The following KCND3 variants were observed in gnomAD, a reference collection of about 807,000 sequenced individuals.
KCND3 encodes potassium voltage-gated channel subfamily D member 3, also known as A-type voltage-gated potassium channel KCND3.
Under a neutral mutation model 51.1 loss-of-function variants are expected in KCND3, and 9 were observed. The observed-to-expected ratio is 0.18, with a 90% CI of 0.11 to 0.31. The LOEUF (loss-of-function observed/expected upper bound fraction) is 0.31, where lower values mean the gene tolerates loss of function less well. KCND3 is among the 10% of genes least tolerant of loss of function. The pLI, the probability that KCND3 is intolerant of heterozygous loss-of-function variation, is 1.00. For synonymous variants in KCND3, 349 were observed against 368.0 expected, an observed-to-expected ratio of 0.95 and a Z score of 0.59; for missense variants, 526 against 903.8, an observed-to-expected ratio of 0.58 and a Z score of 5.36.
At chr1:111,818,046 ACACAC>A (rs1666178655) in intron 2 of KCND3, among the ~76,000 whole-genome samples, 2 of 108,822 alleles carry the variant, frequency 1.8e-5, no homozygotes, top group African/African-American at 8.1e-5. Flanking sequence ...GCGTGCACAC[ACACAC>A]ACACACACAC....
chr1:111,864,382 A>T (rs1668463522), intron 2 of KCND3, among the ~76,000 whole-genome samples: 1 of 152,210 alleles, frequency 6.6e-6, no homozygotes, highest in African/African-American at 2.4e-5. Flanking sequence ...ATTTCCCTTC[A>T]GTAAGAACTT....
intron 2 of KCND3, among the ~76,000 whole-genome samples, chr1:111,868,127 A>G (rs1462253428): frequency 1.3e-5 from 2 of 152,240 alleles, no homozygotes; most frequent in Non-Finnish European, 2.9e-5. Flanking sequence ...GTGGTCAACC[A>G]TGGTCTGAAA....
chr1:111,953,258 A>C (rs1673147120), intron 2 of KCND3, among the ~76,000 whole-genome samples: 1 of 152,168 alleles, frequency 6.6e-6, no homozygotes, highest in Non-Finnish European at 1.5e-5. Context: ...GGAGAGAAAA[A>C]TAAAAAGCTT....
intron 2 of KCND3, among the ~76,000 whole-genome samples, chr1:111,976,756 A>G (rs1016467385): frequency 1.3e-5 from 2 of 152,232 alleles, no homozygotes; most frequent in African/African-American, 4.8e-5. Context: ...AGCCAGACAC[A>G]GAAGCAGAGT....
In KCND3 at chr1:111,780,068, AG is replaced by A; in HGVS notation, c.1461+156del. On this transcript the variant is annotated intron_variant, in intron 5 of 7. Transcript: ENST00000302127. This position sits in a 1 kb window ranked among gnomAD's most constrained non-coding sequence, Gnocchi z 4.2. ...CCCTGGTGACCTTGCCCCACTCCTC[AG>A]GGTCTTCCACCTGAGGGCCAGTAGA... Among the ~76,000 whole-genome samples the A allele has an allele frequency of 6.6e-6, 1 of 152,316 alleles. No homozygotes were observed. Among genetic ancestry groups the A allele is most frequent in the East Asian group, 1.9e-4 (1 of 5,188 alleles).
At chr1:111,837,651 G>A (rs1252949241) in intron 2 of KCND3, among the ~76,000 whole-genome samples, 2 of 152,090 alleles carry the variant, frequency 1.3e-5, no homozygotes, top group Non-Finnish European at 2.9e-5. Context: ...AAGGGCCGTC[G>A]ATGAAGCATA....
intron 2 of KCND3, among the ~76,000 whole-genome samples, chr1:111,968,740 C>A (rs534213506): frequency 2.3e-4 from 35 of 152,316 alleles, no homozygotes; most frequent in Admixed American, 5.9e-4. Flanking sequence ...CAGGCTCCCC[C>A]ACCTGGTCCC....
intron 1 of KCND3, chr1:111,989,056 C>A (rs990541053): frequency 6.6e-6 from 1 of 152,212 alleles, no homozygotes; most frequent in African/African-American, 2.4e-5. Context: ...GATGGACTGG[C>A]CCCCAGCCTC....
At chr1:111,816,036 C>T (rs1193294347) in intron 2 of KCND3, among the ~76,000 whole-genome samples, 1 of 152,214 alleles carries the variant, frequency 6.6e-6, no homozygotes, top group Middle Eastern at 3.2e-3. Context: ...GCAGCAAGAG[C>T]TTCATATGAA....
chr1:111,955,414 AAAC>A (rs1454756768), intron 2 of KCND3, among the ~76,000 whole-genome samples: 1 of 152,150 alleles, frequency 6.6e-6, no homozygotes, highest in Non-Finnish European at 1.5e-5. Flanking sequence ...ACCCTGTCTC[AAAC>A]AACAACAACA....
chr1:111,845,911 C>T (rs1240479954), intron 2 of KCND3, among the ~76,000 whole-genome samples: 1 of 103,832 alleles, frequency 9.6e-6, no homozygotes, highest in Non-Finnish European at 2.0e-5. Flanking sequence ...ACATTGCTGT[C>T]CCCCTGCACC....
chr1:111,780,080 C>T lies in KCND3; in HGVS notation c.1461+145G>A, dbSNP rs1664304972. On this transcript the variant is annotated intron_variant, in intron 5 of 7. Transcript: ENST00000302127. The surrounding 1 kb of genome is among the most constrained non-coding windows in gnomAD (Gnocchi z 4.2). ...TGCCCCACTCCTCAGGGTCTTCCAC[C>T]TGAGGGCCAGTAGATCCCATCACTA... The T allele has an allele frequency of 6.5e-6, 6 of 926,024 alleles. No homozygotes were observed. Among genetic ancestry groups the T allele is most frequent in the Non-Finnish European group, 1.0e-5 (6 of 583,794 alleles). The allele number at this position is 926,024 out of a possible 1,614,324, so 57.4% of individuals were successfully genotyped here.
chr1:111,962,539 A>T (rs1313005015), intron 2 of KCND3, among the ~76,000 whole-genome samples: 1 of 152,140 alleles, frequency 6.6e-6, no homozygotes, highest in African/African-American at 2.4e-5. Flanking sequence ...ATGCCATTAC[A>T]TCCCACTCTT....
intron 2 of KCND3, among the ~76,000 whole-genome samples, chr1:111,916,436 T>G (rs1220314424): frequency 1.3e-5 from 2 of 152,040 alleles, no homozygotes; most frequent in South Asian, 4.1e-4. Context: ...AGAAATAAAT[T>G]TATAGCATTA....
intron 2 of KCND3, among the ~76,000 whole-genome samples, chr1:111,836,771 A>T (rs1485755071): frequency 1.3e-5 from 2 of 152,148 alleles, no homozygotes; most frequent in African/African-American, 4.8e-5. Context: ...AGGTTGACAG[A>T]TGTTGGGTAA....
At chr1:111,968,858 G>A (rs1396258248) in intron 2 of KCND3, among the ~76,000 whole-genome samples, 1 of 152,140 alleles carries the variant, frequency 6.6e-6, no homozygotes, top group East Asian at 1.9e-4. Context: ...AAGCCACTGT[G>A]GAGTGGGTAG....
chr1:111,863,359 C>T (rs1354246539), intron 2 of KCND3, among the ~76,000 whole-genome samples: 2 of 151,224 alleles, frequency 1.3e-5, no homozygotes, highest in East Asian at 3.9e-4. Flanking sequence ...CTTATGTTCT[C>T]GATGATAGAG....
intron 2 of KCND3, among the ~76,000 whole-genome samples, chr1:111,790,762 C>T (rs746001511): frequency 1.3e-5 from 2 of 152,198 alleles, no homozygotes; most frequent in African/African-American, 2.4e-5. Context: ...TAGGCAACCA[C>T]GAATCTACTT....
intron 2 of KCND3, among the ~76,000 whole-genome samples, chr1:111,924,450 G>T (rs941133883): frequency 2.0e-5 from 3 of 152,214 alleles, no homozygotes; most frequent in African/African-American, 4.8e-5. Flanking sequence ...AGCATTTCTA[G>T]CTCACACCTT....
Sources: allele counts gnomAD v4.1 joint callset (sites outside exome capture counted in the v4.1 genomes callset), GRCh38; gene constraint gnomAD v4.1.1; non-coding constraint Gnocchi (gnomAD v3.1); transcripts MANE v1.5; gene names NCBI Gene and HGNC (gene_info 2026-07-23, HGNC 2026-07-21).